The following MRTFB variants were observed in gnomAD, a reference collection of about 807,000 sequenced individuals.
MRTFB encodes myocardin related transcription factor B.
A neutral mutation model predicts 104.2 loss-of-function variants in MRTFB; 29 were observed. That is an observed-to-expected ratio of 0.28 (90% confidence interval 0.21 to 0.38). The LOEUF is 0.38. MRTFB is among the 10% of genes least tolerant of loss of function. MRTFB has a pLI of 1.00. For missense variants in MRTFB, 1,270 were observed against 1,341.6 expected (o/e 0.95, Z 0.83); for synonymous variants, 535 against 519.5 (o/e 1.03, Z -0.41).
Position 14,234,283 on chromosome 16 carries a change from G to A in MRTFB, c.831G>A (p.Lys277=), listed in dbSNP as rs1490033338. The A allele has an allele frequency of 6.2e-7, 1 of 1,613,842 alleles. No homozygotes were observed. The highest frequency in any genetic ancestry group is 1.7e-5 in the Admixed American group (1 of 59,962). The part of the protein sequence containing the change: ...SSAKPGPALV[K]QSHPKNPNDK... ...CAAAGCCTGGCCCAGCACTGGTGAAGGTGGGTACTTTGGATACACCCTGGG... is the reference window on the plus strand; with the variant it reads ...CAAAGCCTGGCCCAGCACTGGTGAAAGTGGGTACTTTGGATACACCCTGGG... The change falls in exon 9 of 17, where the codon AAG becomes AAA. Residue 277 remains lysine, a splice_region_variant and synonymous_variant. Coordinates refer to ENST00000571589, the MANE Select transcript of MRTFB (RefSeq NM_001308142.2).
intron 9 of MRTFB, among the ~76,000 whole-genome samples, chr16:14,235,373 A>G (rs942584569): frequency 3.9e-5 from 6 of 152,052 alleles, no homozygotes; most frequent in African/African-American, 1.4e-4. Context: ...AATCAGTTTT[A>G]TACCTCCTCT....
chr16:14,262,238 C>T lies in MRTFB; in HGVS notation c.*794C>T, dbSNP rs1297669623. 2.6e-5 allele frequency: 4 copies of T among 152,174 alleles called. No individual in the cohort carries two copies. In the East Asian group the frequency reaches 7.7e-4, roughly 29 times the overall value. 9.4% of individuals were successfully genotyped at this position (152,174 alleles called of 1,614,324 possible). A position where few individuals can be genotyped will look rare whatever the true frequency, so the allele number is the denominator to read the frequency against. On this transcript the variant is annotated 3_prime_UTR_variant, in exon 17 of 17. Transcript: ENST00000571589. ...TATATTAGACATTTGTATGTATGCTCTGACATTGTGATTTGTACAGCCTAC... is the reference window on the plus strand; with the variant it reads ...TATATTAGACATTTGTATGTATGCTTTGACATTGTGATTTGTACAGCCTAC...
At chr16:14,114,024 C>A (rs1258253661) in intron 2 of MRTFB, among the ~76,000 whole-genome samples, 1 of 152,142 alleles carries the variant, frequency 6.6e-6, no homozygotes, top group Non-Finnish European at 1.5e-5. Context: ...AAAATAGTTG[C>A]TATGGATTGC....
intron 2 of MRTFB, among the ~76,000 whole-genome samples, chr16:14,083,846 A>G (rs1030559171): frequency 2.0e-5 from 3 of 152,104 alleles, no homozygotes; most frequent in African/African-American, 7.2e-5. Flanking sequence ...GCCATCTTGT[A>G]CCACCTTCTT....
intron 2 of MRTFB, among the ~76,000 whole-genome samples, chr16:14,137,248 A>G (rs2037767153): frequency 6.6e-6 from 1 of 152,196 alleles, no homozygotes; most frequent in African/African-American, 2.4e-5. Context: ...ATGTTCATGA[A>G]TATTAAGTTA....
At chr16:14,082,924 G>T (rs916903842) in intron 2 of MRTFB, among the ~76,000 whole-genome samples, 2 of 152,014 alleles carry the variant, frequency 1.3e-5, no homozygotes, top group Non-Finnish European at 2.9e-5. Flanking sequence ...GATAAGGATT[G>T]CATTTAATAA....
intron 2 of MRTFB, among the ~76,000 whole-genome samples, chr16:14,104,548 A>G (rs990478417): frequency 2.0e-5 from 3 of 152,172 alleles, no homozygotes; most frequent in Non-Finnish European, 4.4e-5. Flanking sequence ...TCTCAGTACT[A>G]TTTGAAGGCT....
the MRTFB span, among the ~76,000 whole-genome samples, chr16:14,039,705 A>T: frequency 6.7e-6 from 1 of 150,372 alleles, no homozygotes; most frequent in Non-Finnish European, 1.5e-5. Flanking sequence ...TACACTTGTG[A>T]TATGCTATGT....
intron 3 of MRTFB, among the ~76,000 whole-genome samples, chr16:14,161,321 A>T (rs2039030241): frequency 6.6e-6 from 1 of 152,122 alleles, no homozygotes; most frequent in South Asian, 2.1e-4. Flanking sequence ...AGTGAGAAAT[A>T]GGCAATATTC....
At chr16:14,115,054 C>T (rs1483646634) in intron 2 of MRTFB, among the ~76,000 whole-genome samples, 4 of 152,166 alleles carry the variant, frequency 2.6e-5, no homozygotes, top group South Asian at 2.1e-4. Context: ...TAAGTATTTG[C>T]AGCACTTGAC....
At chr16:14,025,079 A>G in the MRTFB span, among the ~76,000 whole-genome samples, 1 of 152,220 alleles carries the variant, frequency 6.6e-6, no homozygotes, top group Non-Finnish European at 1.5e-5. Flanking sequence ...ATATGCACCA[A>G]CTGAGGGTTG....
chr16:14,254,537 C>T (rs546766654), intron 15 of MRTFB, among the ~76,000 whole-genome samples: 1 of 152,324 alleles, frequency 6.6e-6, no homozygotes, highest in African/African-American at 2.4e-5. Context: ...AGAGGAGATC[C>T]CCAAATTCTG....
chr16:14,173,297 A>G (rs2039481310), intron 3 of MRTFB, among the ~76,000 whole-genome samples: 1 of 152,214 alleles, frequency 6.6e-6, no homozygotes, highest in Non-Finnish European at 1.5e-5. Flanking sequence ...TTTGTAAATT[A>G]ACTTAGAGAA....
At chr16:14,090,621 T>A (rs2034998468) in intron 2 of MRTFB, among the ~76,000 whole-genome samples, 1 of 152,072 alleles carries the variant, frequency 6.6e-6, no homozygotes, top group Non-Finnish European at 1.5e-5. Flanking sequence ...GAGAATACTT[T>A]ATAGAAGAGT....
chr16:14,053,809 G>A, the MRTFB span, among the ~76,000 whole-genome samples: 5 of 152,008 alleles, frequency 3.3e-5, no homozygotes, highest in Non-Finnish European at 7.4e-5. Flanking sequence ...GGCAGGAGGA[G>A]CCCAGGAGTT....
At chr16:13,996,890 C>T in the MRTFB span, among the ~76,000 whole-genome samples, 1 of 152,212 alleles carries the variant, frequency 6.6e-6, no homozygotes, top group African/African-American at 2.4e-5. Flanking sequence ...CACACTCTCA[C>T]CTGATTGTCT....
chr16:14,034,507 G>A, the MRTFB span, among the ~76,000 whole-genome samples: 1 of 152,012 alleles, frequency 6.6e-6, no homozygotes, highest in African/African-American at 2.4e-5. Context: ...CCAGCTAGTT[G>A]GGAGGCTGAG....
the MRTFB span, among the ~76,000 whole-genome samples, chr16:14,038,804 C>T: frequency 1.8e-3 from 268 of 152,256 alleles, 1 homozygote; most frequent in African/African-American, 6.0e-3. Context: ...ATACCTGAGA[C>T]AGTGTAATTT....
At chr16:14,059,010 G>GC in the MRTFB span, among the ~76,000 whole-genome samples, 29 of 151,928 alleles carry the variant, frequency 1.9e-4, no homozygotes, top group Non-Finnish European at 3.5e-4. Flanking sequence ...ATGAGCCACC[G>GC]CCCCCGGCCC....
Sources: allele counts gnomAD v4.1 joint callset (sites outside exome capture counted in the v4.1 genomes callset), GRCh38; gene constraint gnomAD v4.1.1; transcripts MANE v1.5; gene names NCBI Gene and HGNC (gene_info 2026-07-23, HGNC 2026-07-21).